CCDC61: variants seen among roughly 807,000 people sequenced by gnomAD.
CCDC61 encodes the protein coiled-coil domain containing 61, also known as centrosomal protein CCDC61.
In CCDC61, 55 loss-of-function variants were observed where a neutral mutation model predicts 63.0. That is an observed-to-expected ratio of 0.87 (90% CI 0.70 to 1.09). The LOEUF is 1.09. Among genes scored for constraint, CCDC61 ranks in the 50% least tolerant of loss-of-function variants. The pLI is 0.00. For missense variants in CCDC61, 651 were observed against 731.4 expected, an observed-to-expected ratio of 0.89 and a Z score of 1.27; for synonymous variants, 270 against 317.0, an observed-to-expected ratio of 0.85 and a Z score of 1.58.
chr19:46,017,271 T>A lies in CCDC61; in HGVS notation c.1335T>A (p.Pro445=). Residue 445 remains proline, a synonymous_variant, in exon 12 of 14, where the codon CCT becomes CCA. Transcript: ENST00000595358. The stretch of plus-strand genomic sequence containing the variant: ...GGGGTCACCGCCGCCGTGGGAAGCC[T>A]CCCAGCCCAACGCCCTGGAGTGGGT... ...SRGGHRRRGK[P]PSPTPWSGSN... is the part of the protein sequence containing the mutation. 6.4e-7 allele frequency: 1 copy of A among 1,566,918 alleles called. No homozygotes were observed. The highest frequency in any genetic ancestry group is 8.7e-7 in the Non-Finnish European group (1 of 1,155,362).
intron 11 of CCDC61, 86 bp from the exon 12 acceptor site, chr19:46,017,161 T>G: frequency 6.5e-7 from 1 of 1,535,548 alleles, no homozygotes; most frequent in Non-Finnish European, 8.9e-7. Context: ...TGATGGAGCC[T>G]GGGGGCCTTG....
chr19:46,018,281 C>T lies in CCDC61; in HGVS notation c.1442-9C>T, dbSNP rs367873500. On this transcript the variant is annotated splice_polypyrimidine_tract_variant and intron_variant, in intron 13 of 13. Coordinates refer to ENST00000595358, the MANE Select transcript of CCDC61 (RefSeq NM_001267723.2). The surrounding 1 kb of genome is among the most constrained non-coding windows in gnomAD (Gnocchi z 4.2). ...CTCACAGCCCCCATACCCACACCTG[C>T]TCTCACAGAGTACAGCTCGGAGCAC... The T allele has an allele frequency of 8.3e-6, 13 of 1,561,968 alleles. No homozygotes were observed. Among genetic ancestry groups the T allele is most frequent in the Admixed American group, 3.8e-5 (2 of 52,058 alleles).
In CCDC61 at chr19:46,015,122, G is replaced by A. The variant is rs547979743; in HGVS notation, c.625G>A (p.Gly209Arg). 132 of 1,301,740 alleles carry A rather than the reference G, an allele frequency of 1.0e-4. No homozygotes were observed. The African/African-American group carries it at 1.9e-3, about 18-fold the overall frequency. 80.6% of individuals were successfully genotyped at this position (1,301,740 alleles called of 1,614,324 possible). Residue 209 changes from glycine to arginine, a missense_variant, in exon 6 of 14, where the codon GGG becomes AGG. Transcript: ENST00000595358. The surrounding 1 kb of genome is among the most constrained non-coding windows in gnomAD (Gnocchi z 5.3). ...CCGATCGCGCGAGGAGGCGCTGGCC[G>A]GGCGCGCGGCACGCCAGGAGGCCGA... ...LGRSREEALA[G>R]RAARQEAEAL...
chr19:46,008,002 A>G (rs7256620), intron 4 of CCDC61, 138 bp from the exon 5 acceptor site: 100,960 of 835,188 alleles, frequency 0.12, 6,585 homozygotes, highest in South Asian at 0.19. Context: ...GGCCTTGAGG[A>G]TGTGCTCATA....
Position 46,016,641 on chromosome 19 carries a change from C to A in CCDC61, c.1092-53C>A. ...TGACCTTTAGGGGCGCAGTGACCCC[C>A]TTGCCTGCAGGAGTTGGGCGTACAG... On this transcript the variant is annotated intron_variant, in intron 9 of 13. Coordinates refer to ENST00000595358, the MANE Select transcript of CCDC61 (RefSeq NM_001267723.2). The surrounding 1 kb of genome is among the most constrained non-coding windows in gnomAD (Gnocchi z 7.2). 6.2e-7 allele frequency: 1 copy of A among 1,602,606 alleles called. No individual in the cohort carries two copies. Among genetic ancestry groups the A allele is most frequent in the East Asian group, 2.2e-5 (1 of 44,506 alleles).
chr19:46,009,905 T>G (rs888400994), intron 5 of CCDC61, among the ~76,000 whole-genome samples: 3 of 151,948 alleles, frequency 2.0e-5, no homozygotes, highest in Admixed American at 1.3e-4. Context: ...GGGTGTGTGT[T>G]TCCCAAGATG....
In CCDC61 at chr19:46,016,013, C is replaced by T; in HGVS notation, c.846-41C>T. 8.1e-7 allele frequency: 1 copy of T among 1,230,142 alleles called. No individual in the cohort carries two copies. 76.2% of individuals were successfully genotyped at this position (1,230,142 alleles called of 1,614,324 possible). A position where few individuals can be genotyped will look rare whatever the true frequency, so the allele number is the denominator to read the frequency against. On this transcript the variant is annotated intron_variant, in intron 7 of 13. Coordinates refer to ENST00000595358, the MANE Select transcript of CCDC61 (RefSeq NM_001267723.2). The surrounding 1 kb of genome is among the most constrained non-coding windows in gnomAD (Gnocchi z 7.2). ...GGAGGAGTCTCGCGATTGAGTTTGT[C>T]GGGGCGGGCGGGAAGCTGACAGCTG...
In CCDC61 at chr19:46,015,498, AGCCTAAGGGGGCGGGGCGGG is replaced by A. The variant is rs1968912870; in HGVS notation, c.845+75_845+94del. The stretch of plus-strand genomic sequence containing the variant: ...GAGGGTGTGGAGGCTGATGAGGCGG[AGCCTAAGGGGGCGGGGCGGG>A]GCCAGGTAGGGTGGAGGGGGCGGGG... On this transcript the variant is annotated intron_variant, in intron 7 of 13. Transcript: ENST00000595358. This position sits in a 1 kb window ranked among gnomAD's most constrained non-coding sequence, Gnocchi z 5.3. The A allele has an allele frequency of 1.5e-6, 1 of 677,860 alleles. No individual in the cohort carries two copies. The highest frequency in any genetic ancestry group is 2.9e-5 in the South Asian group (1 of 34,790). 42.0% of individuals were successfully genotyped at this position (677,860 alleles called of 1,614,324 possible).
Position 46,018,346 on chromosome 19 carries a change from G to T in CCDC61, c.1498G>T (p.Ala500Ser). 1.3e-6 allele frequency: 2 copies of T among 1,577,046 alleles called. No individual in the cohort carries two copies. Among genetic ancestry groups the T allele is most frequent in the South Asian group, 2.3e-5 (2 of 85,886 alleles). The change falls in exon 14 of 14, where the codon GCC (alanine) becomes TCC (serine). Residue 500 changes from alanine (A) to serine (S), a missense_variant. Coordinates refer to ENST00000595358, the MANE Select transcript of CCDC61 (RefSeq NM_001267723.2). The surrounding 1 kb of genome is among the most constrained non-coding windows in gnomAD (Gnocchi z 4.2). Reference protein sequence around the residue: ...DMAEIDARLKALQEYMNRLDM... With the variant: ...DMAEIDARLKSLQEYMNRLDM... The stretch of plus-strand genomic sequence containing the variant: ...GGCCGAAATAGACGCACGCCTGAAG[G>T]CCTTGCAGGAGTACATGAACCGACT...
chr19:46,001,319 C>T (rs544219472), intron 1 of CCDC61, among the ~76,000 whole-genome samples: 50 of 152,116 alleles, frequency 3.3e-4, no homozygotes, highest in African/African-American at 1.1e-3. Flanking sequence ...CTCTGCCTCC[C>T]GGGTTCAAGC....
Position 46,015,623 on chromosome 19 carries a change from G to C in CCDC61, c.845+196G>C, listed in dbSNP as rs1968916907. On this transcript the variant is annotated intron_variant, in intron 7 of 13. Transcript: ENST00000595358. The surrounding 1 kb of genome is among the most constrained non-coding windows in gnomAD (Gnocchi z 5.3). The stretch of plus-strand genomic sequence containing the variant: ...GTGCAGTGGTTAGGAGGTGGACCCG[G>C]GCTGTGCGGAGATGCGCAGGCTTGG... Among the ~76,000 whole-genome samples, 1 of 152,162 alleles carries C rather than the reference G, an allele frequency of 6.6e-6. No homozygotes were observed. Among genetic ancestry groups the C allele is most frequent in the African/African-American group, 2.4e-5 (1 of 41,456 alleles).
In CCDC61 at chr19:46,018,365, A is replaced by G. The variant is rs1385232618; in HGVS notation, c.1517A>G (p.Asn506Ser). 5 of 1,572,506 alleles carry G rather than the reference A, an allele frequency of 3.2e-6. 1 individual carries two copies. In the South Asian group the frequency reaches 4.7e-5, roughly 15 times the overall value. Residue 506 changes from asparagine (N) to serine (S), a missense_variant, in exon 14 of 14, where the codon AAC (asparagine) becomes AGC (serine). Asn to Ser is a conservative substitution (Grantham distance 46). Coordinates refer to ENST00000595358, the MANE Select transcript of CCDC61 (RefSeq NM_001267723.2). This position sits in a 1 kb window ranked among gnomAD's most constrained non-coding sequence, Gnocchi z 4.2. ...ARLKALQEYM[N>S]RLDMRS Reference sequence around the variant, plus strand: ...CTGAAGGCCTTGCAGGAGTACATGAACCGACTGGACATGCGGTCATAACGT... The same window carrying G: ...CTGAAGGCCTTGCAGGAGTACATGAGCCGACTGGACATGCGGTCATAACGT...
At position 46,018,087 on chromosome 19, in the gene CCDC61, C is replaced by T. The variant is rs1024715638; in HGVS notation, c.1378C>T (p.Pro460Ser). 1 of 1,610,306 alleles carries T rather than the reference C, an allele frequency of 6.2e-7. No individual in the cohort carries two copies. Among genetic ancestry groups the T allele is most frequent in the Non-Finnish European group, 8.5e-7 (1 of 1,178,484 alleles). Residue 460 changes from proline (P) to serine (S), a missense_variant, in exon 13 of 14, where the codon CCC becomes TCC. By Grantham distance (74) the Pro-to-Ser change is moderately conservative. Coordinates refer to ENST00000595358, the MANE Select transcript of CCDC61 (RefSeq NM_001267723.2). This position sits in a 1 kb window ranked among gnomAD's most constrained non-coding sequence, Gnocchi z 4.2. ...CCTTCCCCATCACCAGAAGTCTCCCCCCGTGGAACGCAGCCACCATCAGAA... is the reference window on the plus strand; with the variant it reads ...CCTTCCCCATCACCAGAAGTCTCCCTCCGTGGAACGCAGCCACCATCAGAA... ...PWSGSNMKSPPVERSHHQKSL... is the reference protein window; with the variant it reads ...PWSGSNMKSPSVERSHHQKSL...
chr19:46,015,022 C>T lies in CCDC61; in HGVS notation c.552-27C>T, dbSNP rs1268933668. On this transcript the variant is annotated intron_variant, in intron 5 of 13. Coordinates refer to ENST00000595358, the MANE Select transcript of CCDC61 (RefSeq NM_001267723.2). This position sits in a 1 kb window ranked among gnomAD's most constrained non-coding sequence, Gnocchi z 5.3. ...TGGGAATGGGGCCATGCCTCTCTCT[C>T]CAGCGCTCTCTCCGCGTCTTCCCCA... 6.7e-7 allele frequency: 1 copy of T among 1,486,410 alleles called. No homozygotes were observed. Among genetic ancestry groups the T allele is most frequent in the Non-Finnish European group, 8.9e-7 (1 of 1,120,986 alleles). The allele number at this position is 1,486,410 out of a possible 1,614,324, so 92.1% of individuals were successfully genotyped here. A position where few individuals can be genotyped will look rare whatever the true frequency, so the allele number is the denominator to read the frequency against.
At chr19:46,009,703 G>A (rs1335018137) in intron 5 of CCDC61, among the ~76,000 whole-genome samples, 1 of 152,146 alleles carries the variant, frequency 6.6e-6, no homozygotes, top group Non-Finnish European at 1.5e-5. Context: ...TGGGGCTGGG[G>A]AACCCCGCCG....
In CCDC61 at chr19:46,015,348, GA is replaced by G; in HGVS notation, c.767del (p.Glu256GlyfsTer14). 6.2e-7 allele frequency: 1 copy of G among 1,600,884 alleles called. No homozygotes were observed. Among genetic ancestry groups the G allele is most frequent in the Non-Finnish European group, 8.5e-7 (1 of 1,178,500 alleles). On this transcript the variant is annotated frameshift_variant, in exon 7 of 14. Coordinates refer to ENST00000595358, the MANE Select transcript of CCDC61 (RefSeq NM_001267723.2). LOFTEE classifies it high-confidence loss of function. This position sits in a 1 kb window ranked among gnomAD's most constrained non-coding sequence, Gnocchi z 5.3. ...CGCCCCTCTCCCCTCCCGGCAGCTC[GA>G]GGAGGCGAAGGCATCGGAGCGGAGC... is the stretch of plus-strand genomic sequence containing the variant. ...QDCRRLAKEL[E>X]EAKASERSLR...
Position 46,016,297 on chromosome 19 carries a change from T to G in CCDC61, c.1016-21T>G, listed in dbSNP as rs780759823. The G allele has an allele frequency of 1.2e-6, 2 of 1,612,774 alleles. No homozygotes were observed. The highest frequency in any genetic ancestry group is 1.1e-5 in the South Asian group (1 of 90,994). ...AGGCCCGTCTCCGGACCTAGCCGCCTCCTCTCCCACGCCGTCCTAGGTGGT... is the reference window on the plus strand; with the variant it reads ...AGGCCCGTCTCCGGACCTAGCCGCCGCCTCTCCCACGCCGTCCTAGGTGGT... On this transcript the variant is annotated intron_variant, in intron 8 of 13. Transcript: ENST00000595358. The surrounding 1 kb of genome is among the most constrained non-coding windows in gnomAD (Gnocchi z 7.2).
At chr19:46,002,289 C>T (rs1355737498) in intron 1 of CCDC61, among the ~76,000 whole-genome samples, 2 of 151,734 alleles carry the variant, frequency 1.3e-5, no homozygotes, top group African/African-American at 4.8e-5. Flanking sequence ...ACTCCAATAC[C>T]CCCGTCCCTC....
At chr19:46,009,320 G>A (rs1968778465) in intron 5 of CCDC61, among the ~76,000 whole-genome samples, 1 of 152,086 alleles carries the variant, frequency 6.6e-6, no homozygotes, top group African/African-American at 2.4e-5. Flanking sequence ...GGGCTTGATC[G>A]CTACCGGGAA....
Sources: gnomAD v4.1 joint callset for allele counts (sites outside exome capture counted in the v4.1 genomes callset) on GRCh38, gnomAD v4.1.1 for gene constraint, Gnocchi (gnomAD v3.1) non-coding constraint, MANE v1.5 for transcripts, NCBI Gene and HGNC (gene_info 2026-07-23, HGNC 2026-07-21) for gene names.